B3GLCT: variants seen among roughly 807,000 people sequenced by gnomAD.
B3GLCT encodes the protein beta-1,3-glucosyltransferase.
A neutral mutation model predicts 63.4 loss-of-function variants in B3GLCT; 65 were observed. The ratio of observed to expected loss-of-function variants is 1.03; its 90% confidence interval spans 0.84 to 1.26. B3GLCT has a LOEUF of 1.26. B3GLCT is among the 50% of genes most tolerant of loss of function. The probability of loss-of-function intolerance (pLI) is 0.00; values close to 1 mark genes in which losing one functional copy is unlikely to be tolerated. For synonymous variants in B3GLCT, 233 were observed against 219.2 expected (o/e 1.06, Z -0.55); for missense variants, 577 against 604.8 (o/e 0.95, Z 0.48).
At chr13:31,259,826 T>G (rs990571582) in intron 6 of B3GLCT, among the ~76,000 whole-genome samples, 8 of 148,610 alleles carry the variant, frequency 5.4e-5, no homozygotes, top group Non-Finnish European at 9.0e-5. Flanking sequence ...TTGTTTTCTG[T>G]TTTTTTTTTA....
chr13:31,246,954 T>TTC lies in B3GLCT; in HGVS notation c.271-68_271-67insCT, dbSNP rs200933165. On this transcript the variant is annotated intron_variant, in intron 4 of 14. Coordinates refer to ENST00000343307, the MANE Select transcript of B3GLCT (RefSeq NM_194318.4). ...CTTTTTTCTTTTCTTTTCTTTTCTT[T>TTC]TTTTTTTTTTTTACTTTTTTTCGGA... 1.5e-3 allele frequency: 1,323 copies of TTC among 868,848 alleles called. 11 individuals carry two copies. In the African/African-American group the frequency reaches 0.023, roughly 15 times the overall value. The allele number at this position is 868,848 out of a possible 1,614,324, so 53.8% of individuals were successfully genotyped here. A position where few individuals can be genotyped will look rare whatever the true frequency, so the allele number is the denominator to read the frequency against.
At chr13:31,302,589 A>C (rs1874281043) in intron 12 of B3GLCT, among the ~76,000 whole-genome samples, 1 of 89,072 alleles carries the variant, frequency 1.1e-5, no homozygotes, top group South Asian at 4.7e-4. Context: ...AAATCGGGTC[A>C]CTCCCACCCG....
intron 12 of B3GLCT, among the ~76,000 whole-genome samples, chr13:31,310,832 C>A (rs545285412): frequency 6.6e-6 from 1 of 152,374 alleles, no homozygotes; most frequent in Admixed American, 6.5e-5. Flanking sequence ...CTGCATCCCC[C>A]ACCCCTTGTC....
chr13:31,274,110 G>A (rs990658125), intron 8 of B3GLCT, among the ~76,000 whole-genome samples: 1 of 152,126 alleles, frequency 6.6e-6, no homozygotes, highest in African/African-American at 2.4e-5. Context: ...AAATATTTAA[G>A]GGCATTTTAC....
intron 11 of B3GLCT, 136 bp downstream of exon 11, chr13:31,284,897 G>C (rs1045681533): frequency 1.5e-6 from 1 of 670,338 alleles, no homozygotes; most frequent in East Asian, 2.7e-5. Context: ...CCTTCTCTCA[G>C]ATACTGATTG....
intron 6 of B3GLCT, among the ~76,000 whole-genome samples, chr13:31,254,722 GTC>G: frequency 6.6e-6 from 1 of 152,258 alleles, no homozygotes; most frequent in East Asian, 1.9e-4. Context: ...AAGTCAAATT[GTC>G]TCTGTTTGCA....
chr13:31,296,105 G>A (rs1026608958), intron 12 of B3GLCT, among the ~76,000 whole-genome samples: 24 of 152,270 alleles, frequency 1.6e-4, no homozygotes, highest in East Asian at 5.8e-4. Flanking sequence ...GTAAGGCGAC[G>A]CACCCACTGT....
chr13:31,216,583 C>A (rs1019021913), intron 2 of B3GLCT, among the ~76,000 whole-genome samples: 3 of 152,220 alleles, frequency 2.0e-5, no homozygotes, highest in Non-Finnish European at 4.4e-5. Flanking sequence ...GGTAGTTTTT[C>A]AATCCTTGCT....
chr13:31,301,199 A>G (rs752553433), intron 12 of B3GLCT, among the ~76,000 whole-genome samples: 12 of 152,178 alleles, frequency 7.9e-5, no homozygotes, highest in Non-Finnish European at 2.9e-5. Context: ...GAAATTCTCT[A>G]GTTCAAAGTC....
chr13:31,264,481 GA>G (rs1039884733), intron 7 of B3GLCT, among the ~76,000 whole-genome samples: 1 of 151,162 alleles, frequency 6.6e-6, no homozygotes, highest in Non-Finnish European at 1.5e-5. Context: ...CCTCTGCCAG[GA>G]AAAAAAAGCA....
chr13:31,252,829 C>T (rs1157482072), intron 6 of B3GLCT, among the ~76,000 whole-genome samples: 1 of 152,160 alleles, frequency 6.6e-6, no homozygotes, highest in Admixed American at 6.5e-5. Flanking sequence ...CAAGGATATC[C>T]AGGACCTGAA....
intron 10 of B3GLCT, among the ~76,000 whole-genome samples, chr13:31,281,577 C>T (rs952246872): frequency 2.0e-5 from 3 of 152,112 alleles, no homozygotes; most frequent in African/African-American, 7.2e-5. Flanking sequence ...CCAGATTGCC[C>T]TACAGTGTTG....
chr13:31,295,201 G>A (rs750037732), intron 12 of B3GLCT, among the ~76,000 whole-genome samples: 4 of 152,174 alleles, frequency 2.6e-5, no homozygotes, highest in Non-Finnish European at 1.5e-5. Context: ...TGTCCCAGAC[G>A]GGCACGCGCC....
intron 12 of B3GLCT, among the ~76,000 whole-genome samples, chr13:31,308,577 A>C (rs1320209067): frequency 6.6e-6 from 1 of 152,084 alleles, no homozygotes; most frequent in African/African-American, 2.4e-5. Flanking sequence ...GCAATTGTTC[A>C]GCATTGAGTT....
intron 1 of B3GLCT, among the ~76,000 whole-genome samples, chr13:31,208,084 G>A (rs2081236107): frequency 6.6e-6 from 1 of 151,246 alleles, no homozygotes; most frequent in South Asian, 2.1e-4. Context: ...AGTATACTTT[G>A]TCTTTGTACT....
At chr13:31,247,280 T>C (rs1871238984) in intron 5 of B3GLCT, among the ~76,000 whole-genome samples, 181 bp downstream of exon 5, 2 of 151,962 alleles carry the variant, frequency 1.3e-5, no homozygotes, top group Admixed American at 1.3e-4. Context: ...TAATCATGAA[T>C]AGCTTTTTCT....
At position 31,312,499 on chromosome 13, in the gene B3GLCT, T is replaced by C. The variant is rs1593314727; in HGVS notation, c.1065-5067T>C. ...TAAAAATAGAAAGCCCCAAAACTTA[T>C]ATGGAAACAAATTTAGTACAACAAG... On this transcript the variant is annotated intron_variant, in intron 12 of 14. Transcript: ENST00000343307. The C allele has an allele frequency of 5.3e-5, 8 of 152,276 alleles. 1 individual carries two copies. The highest frequency in any genetic ancestry group is 6.5e-5 in the Admixed American group (1 of 15,298). 9.4% of individuals were successfully genotyped at this position (152,276 alleles called of 1,614,324 possible). A position where few individuals can be genotyped will look rare whatever the true frequency, so the allele number is the denominator to read the frequency against.
intron 6 of B3GLCT, among the ~76,000 whole-genome samples, chr13:31,248,912 A>G (rs1414291160): frequency 6.6e-6 from 1 of 152,180 alleles, no homozygotes; most frequent in Non-Finnish European, 1.5e-5. Flanking sequence ...TGCCTTGGAA[A>G]TGTGTCAAGA....
chr13:31,218,852 A>G (rs1869684887), intron 2 of B3GLCT, among the ~76,000 whole-genome samples: 1 of 150,168 alleles, frequency 6.7e-6, no homozygotes, highest in Admixed American at 6.6e-5. Context: ...GGCTTTTATT[A>G]TTTTGAGGTG....
Sources: gnomAD v4.1 joint callset for allele counts (sites outside exome capture counted in the v4.1 genomes callset) on GRCh38, gnomAD v4.1.1 for gene constraint, MANE v1.5 for transcripts, NCBI Gene and HGNC (gene_info 2026-07-23, HGNC 2026-07-21) for gene names.